STAU2: variants seen among roughly 807,000 people sequenced by gnomAD.
STAU2 encodes staufen double-stranded RNA binding protein 2.
A neutral mutation model predicts 65.9 loss-of-function variants in STAU2; 20 were observed. That is an observed-to-expected ratio of 0.30 (90% confidence interval 0.21 to 0.44). STAU2 has a LOEUF of 0.44. Ranked by LOEUF, STAU2 falls within the 20% of genes least tolerant of loss-of-function variation. The pLI, the probability that STAU2 is intolerant of heterozygous loss-of-function variation, is 1.00. For missense variants in STAU2, 558 were observed against 683.9 expected, an observed-to-expected ratio of 0.82 and a Z score of 2.05; for synonymous variants, 232 against 233.9, an observed-to-expected ratio of 0.99 and a Z score of 0.07.
chr8:73,461,633 GAGGCCAACAGAGAGCAC>G (rs1440064448), intron 13 of STAU2, among the ~76,000 whole-genome samples: 1 of 152,014 alleles, frequency 6.6e-6, no homozygotes, highest in African/African-American at 2.4e-5. Flanking sequence ...TGGCAGCAAA[GAGGCCAACAGAGAGCAC>G]AAGCACAAGC....
intron 11 of STAU2, among the ~76,000 whole-genome samples, chr8:73,585,355 C>T (rs981142979): frequency 2.6e-5 from 4 of 152,296 alleles, no homozygotes; most frequent in African/African-American, 4.8e-5. Flanking sequence ...TGGCCCATGC[C>T]GGTAATCCCA....
chr8:73,742,319 G>A (rs1233346694), intron 1 of STAU2: 21 of 792,604 alleles, frequency 2.6e-5, no homozygotes, highest in Non-Finnish European at 3.2e-5. Context: ...GATCACCTGA[G>A]GTCAGGAGTT....
At chr8:73,704,037 AT>A (rs1232077616) in intron 4 of STAU2, among the ~76,000 whole-genome samples, 1 of 152,162 alleles carries the variant, frequency 6.6e-6, no homozygotes, top group East Asian at 1.9e-4. Flanking sequence ...CTCTTATCCT[AT>A]ACTTCCACTG....
chr8:73,517,293 C>A (rs10957668), intron 13 of STAU2, among the ~76,000 whole-genome samples: 1 of 151,818 alleles, frequency 6.6e-6, no homozygotes, highest in African/African-American at 2.4e-5. Flanking sequence ...GGTGTGCTGG[C>A]GTGTGTCTGT....
intron 4 of STAU2, among the ~76,000 whole-genome samples, chr8:73,690,108 C>T (rs1176177996): frequency 6.6e-6 from 1 of 151,812 alleles, no homozygotes. Context: ...ATGGGCGGAT[C>T]ACAAGGTCAG....
intron 13 of STAU2, among the ~76,000 whole-genome samples, chr8:73,514,401 G>T (rs945688087): frequency 1.3e-5 from 2 of 152,164 alleles, no homozygotes; most frequent in Non-Finnish European, 2.9e-5. Context: ...TTGTTGCAAA[G>T]AACATAAATT....
intron 12 of STAU2, among the ~76,000 whole-genome samples, chr8:73,568,273 A>G (rs1175372798): frequency 1.3e-5 from 2 of 152,256 alleles, no homozygotes; most frequent in Non-Finnish European, 2.9e-5. Flanking sequence ...TAAAACACAC[A>G]TTACTTTAAA....
At chr8:73,681,388 A>C (rs576681000) in intron 5 of STAU2, among the ~76,000 whole-genome samples, 1 of 152,328 alleles carries the variant, frequency 6.6e-6, no homozygotes, top group Non-Finnish European at 1.5e-5. Context: ...TGACGGAAAG[A>C]TAAAAGTCTT....
intron 13 of STAU2, among the ~76,000 whole-genome samples, chr8:73,493,764 C>T (rs918266042): frequency 2.6e-5 from 4 of 151,706 alleles, no homozygotes; most frequent in Non-Finnish European, 4.4e-5. Flanking sequence ...GAGAAAAAAA[C>T]ATGTCCACAA....
chr8:73,591,118 A>T (rs1490670547), intron 11 of STAU2, among the ~76,000 whole-genome samples: 17 of 152,228 alleles, frequency 1.1e-4, no homozygotes, highest in Admixed American at 1.1e-3. Flanking sequence ...AAATGAGAGT[A>T]AATATAAAAG....
intron 13 of STAU2, among the ~76,000 whole-genome samples, chr8:73,524,125 C>A (rs183892013): frequency 6.6e-6 from 1 of 152,222 alleles, no homozygotes; most frequent in Admixed American, 6.5e-5. Context: ...CTGCAGTCAT[C>A]TGGGTTAAAA....
intron 13 of STAU2, among the ~76,000 whole-genome samples, chr8:73,535,977 T>TTA (rs1554537290): frequency 3.3e-5 from 5 of 151,856 alleles, no homozygotes; most frequent in Admixed American, 3.3e-4. Context: ...TTAATTTTTT[T>TTA]AAAAAAAATA....
In STAU2 at chr8:73,703,050, G is replaced by C. The variant is rs528882602; in HGVS notation, c.114+5982C>G. Among the ~76,000 whole-genome samples the C allele has an allele frequency of 2.0e-5, 3 of 152,270 alleles. No homozygotes were observed. In the South Asian group the frequency reaches 6.2e-4, roughly 32 times the overall value. On this transcript the variant is annotated intron_variant, in intron 4 of 14. Coordinates refer to ENST00000524300, the MANE Select transcript of STAU2 (RefSeq NM_001164380.2). ...TGACACTCTTATTACCAAAGAAATA[G>C]AGAAAATAAAATAGAGAAAGAGAAA...
At chr8:73,692,640 C>A (rs1419270341) in intron 4 of STAU2, among the ~76,000 whole-genome samples, 1 of 152,048 alleles carries the variant, frequency 6.6e-6, no homozygotes, top group Non-Finnish European at 1.5e-5. Flanking sequence ...GCTGAGAGCC[C>A]CCGGTTTATA....
In STAU2 at chr8:73,613,971, T is replaced by C. The variant is rs762034679; in HGVS notation, c.679-15A>G. 7.1e-6 allele frequency: 11 copies of C among 1,557,504 alleles called. No individual in the cohort carries two copies. The East Asian group carries it at 2.5e-4, about 36-fold the overall frequency. ...TCTTTAATAACCTATTAAATACAAG[T>C]AAAATATTAAATAATGGATAGGCAC... On this transcript the variant is annotated splice_polypyrimidine_tract_variant and intron_variant, in intron 8 of 14. Transcript: ENST00000524300.
At chr8:73,434,942 A>G (rs1018060894) in intron 13 of STAU2, among the ~76,000 whole-genome samples, 1 of 151,824 alleles carries the variant, frequency 6.6e-6, no homozygotes, top group African/African-American at 2.4e-5. Context: ...CAAGGCCCCC[A>G]TTGGCTGGCC....
At chr8:73,718,732 G>A (rs1428923364) in intron 3 of STAU2, among the ~76,000 whole-genome samples, 1 of 152,152 alleles carries the variant, frequency 6.6e-6, no homozygotes, top group East Asian at 1.9e-4. Flanking sequence ...GCAGTATTTT[G>A]TAGTTCTCAT....
rs146082257 is a variant in STAU2 at position 73,453,907 on chromosome 8, C to T, written c.1531-31205G>A. On this transcript the variant is annotated intron_variant, in intron 13 of 14. Coordinates refer to ENST00000524300, the MANE Select transcript of STAU2 (RefSeq NM_001164380.2). ...TGAGGATGACAGTTTTCTGAAGTGA[C>T]GACTTGCTCCAGCAGCCACTCCACT... 2.5e-3 allele frequency among the ~76,000 whole-genome samples: 385 copies of T among 152,202 alleles called. 2 individuals carry two copies. Among genetic ancestry groups the T allele is most frequent in the African/African-American group, 8.8e-3 (366 of 41,512 alleles).
chr8:73,736,723 C>T (rs1806459133), intron 3 of STAU2, among the ~76,000 whole-genome samples: 1 of 152,080 alleles, frequency 6.6e-6, no homozygotes, highest in African/African-American at 2.4e-5. Context: ...GTAAATGCTA[C>T]ATGAGTTTGG....
Sources: gnomAD v4.1 joint callset for allele counts (sites outside exome capture counted in the v4.1 genomes callset) on GRCh38, gnomAD v4.1.1 for gene constraint, MANE v1.5 for transcripts, NCBI Gene and HGNC (gene_info 2026-07-23, HGNC 2026-07-21) for gene names.